NEGR1: variants seen among roughly 807,000 people sequenced by gnomAD.
The protein encoded by NEGR1 is IgLON family member 4.
Under a neutral mutation model 40.9 loss-of-function variants are expected in NEGR1, and 10 were observed. The ratio of observed to expected loss-of-function variants is 0.24; its 90% CI spans 0.15 to 0.42. The LOEUF is 0.42. Among genes scored for constraint, NEGR1 ranks in the 10% least tolerant of loss-of-function variants. The pLI, the probability that NEGR1 is intolerant of heterozygous loss-of-function variation, is 1.00. For missense variants in NEGR1, 352 were observed against 438.9 expected (o/e 0.80, Z 1.77); for synonymous variants, 185 against 166.8 (o/e 1.11, Z -0.84).
intron 4 of NEGR1, among the ~76,000 whole-genome samples, chr1:71,668,572 G>T (rs910984122): frequency 1.3e-5 from 2 of 152,086 alleles, no homozygotes; most frequent in African/African-American, 4.8e-5. Flanking sequence ...CAGTTCCACA[G>T]GTCTCAGTAG....
At chr1:71,494,921 TCTCTTC>T (rs1328746504) in intron 6 of NEGR1, among the ~76,000 whole-genome samples, 3 of 152,138 alleles carry the variant, frequency 2.0e-5, no homozygotes, top group African/African-American at 7.2e-5. Flanking sequence ...CCTTTCTCTT[TCTCTTC>T]CTCTTCAGCC....
intron 1 of NEGR1, among the ~76,000 whole-genome samples, chr1:72,172,997 TTTTTA>T (rs1335215794): frequency 1.3e-5 from 2 of 152,032 alleles, no homozygotes; most frequent in Non-Finnish European, 1.5e-5. Context: ...AGTTTTTTCA[TTTTTA>T]TTTTATTTAT....
intron 2 of NEGR1, among the ~76,000 whole-genome samples, chr1:71,809,043 G>A (rs1460626566): frequency 1.3e-5 from 2 of 152,142 alleles, no homozygotes; most frequent in African/African-American, 2.4e-5. Flanking sequence ...CTTTTAAAGA[G>A]CTTTACCTAT....
intron 5 of NEGR1, among the ~76,000 whole-genome samples, chr1:71,605,924 T>C (rs553236266): frequency 1.3e-5 from 2 of 152,154 alleles, no homozygotes; most frequent in Non-Finnish European, 2.9e-5. Context: ...ATGACTAATA[T>C]TTCCAATATA....
At chr1:72,278,462 G>C (rs1198264961) in intron 1 of NEGR1, among the ~76,000 whole-genome samples, 2 of 152,022 alleles carry the variant, frequency 1.3e-5, no homozygotes. Context: ...TTTCCAAGGG[G>C]TATTAAACAT....
intron 1 of NEGR1, among the ~76,000 whole-genome samples, chr1:72,250,485 C>A (rs984369367): frequency 6.6e-6 from 1 of 151,982 alleles, no homozygotes; most frequent in African/African-American, 2.4e-5. Flanking sequence ...TAGGAACAAA[C>A]AATGAAATAG....
rs903826617 is a variant in NEGR1, at chr1:71,397,911, A to T, written c.*9535T>A. 11 of 152,184 alleles carry T rather than the reference A, an allele frequency of 7.2e-5. No individual in the cohort carries two copies. The highest frequency in any genetic ancestry group is 2.2e-4 in the African/African-American group (9 of 41,426). 9.4% of individuals were successfully genotyped at this position (152,184 alleles called of 1,614,324 possible). ...GTCCCTCTGCTATGTGCAGTCTAGG[A>T]ACTTGGTGCTCTGCCTCCCAGTTGC... On this transcript the variant is annotated 3_prime_UTR_variant, in exon 7 of 7. Coordinates refer to ENST00000357731, the MANE Select transcript of NEGR1 (RefSeq NM_173808.3).
At chr1:71,467,813 G>C (rs1646756881) in intron 6 of NEGR1, among the ~76,000 whole-genome samples, 2 of 151,998 alleles carry the variant, frequency 1.3e-5, no homozygotes, top group South Asian at 4.1e-4. Context: ...TAAATTCTAA[G>C]TATTTGGTGG....
intron 4 of NEGR1, among the ~76,000 whole-genome samples, chr1:71,633,057 T>A (rs1461077174): frequency 6.6e-6 from 1 of 152,142 alleles, no homozygotes; most frequent in Non-Finnish European, 1.5e-5. Flanking sequence ...CTAATAGGAT[T>A]TAATTCTATA....
At chr1:71,408,424 A>G (rs969487142) in intron 6 of NEGR1, among the ~76,000 whole-genome samples, 2 of 152,066 alleles carry the variant, frequency 1.3e-5, no homozygotes, top group Non-Finnish European at 2.9e-5. Context: ...TTTATACATC[A>G]GAAATATTAC....
chr1:72,083,610 T>C (rs114273253), intron 1 of NEGR1, among the ~76,000 whole-genome samples: 2,326 of 152,290 alleles, frequency 0.015, 55 homozygotes, highest in African/African-American at 0.053. Flanking sequence ...AGAAAAATAT[T>C]GTCCCATTTT....
chr1:71,528,413 A>G (rs1647261026), intron 6 of NEGR1, among the ~76,000 whole-genome samples: 1 of 151,320 alleles, frequency 6.6e-6, no homozygotes, highest in African/African-American at 2.4e-5. Flanking sequence ...CTATGCTCCT[A>G]GTACTCAGTG....
rs1652217435 is a variant in NEGR1, at chr1:71,665,634, A to C, written c.667+32374T>G. Among the ~76,000 whole-genome samples the C allele has an allele frequency of 4.6e-5, 7 of 152,082 alleles. No homozygotes were observed. The South Asian group carries it at 1.4e-3, about 32-fold the overall frequency. On this transcript the variant is annotated intron_variant, in intron 4 of 6. Coordinates refer to ENST00000357731, the MANE Select transcript of NEGR1 (RefSeq NM_173808.3). ...AGAGAGATTTGTTTCCCTTACATTG[A>C]GCTCCATCATTCTTCACTAAACTCT...
intron 2 of NEGR1, among the ~76,000 whole-genome samples, chr1:71,877,443 C>A (rs1660465114): frequency 6.6e-6 from 1 of 152,124 alleles, no homozygotes; most frequent in Non-Finnish European, 1.5e-5. Context: ...TTGTAGATAG[C>A]CACCTTCTTC....
chr1:71,422,516 ATTC>A (rs1646404056), intron 6 of NEGR1: 1 of 152,190 alleles, frequency 6.6e-6, no homozygotes, highest in East Asian at 1.9e-4. Flanking sequence ...AGAAGCAACA[ATTC>A]TTCTGAAATC....
At chr1:72,129,625 T>C (rs147688438) in intron 1 of NEGR1, among the ~76,000 whole-genome samples, 78 of 152,192 alleles carry the variant, frequency 5.1e-4, no homozygotes, top group Non-Finnish European at 5.4e-4. Flanking sequence ...AATAAAATGT[T>C]GCAAGGAAGG....
intron 6 of NEGR1, among the ~76,000 whole-genome samples, chr1:71,522,685 T>C (rs1466635769): frequency 6.6e-6 from 1 of 150,910 alleles, no homozygotes; most frequent in Admixed American, 6.7e-5. Flanking sequence ...AATTGTAAAA[T>C]GGGTAGATAA....
intron 3 of NEGR1, among the ~76,000 whole-genome samples, chr1:71,743,464 T>A (rs1284871998): frequency 1.3e-5 from 2 of 152,118 alleles, no homozygotes; most frequent in Admixed American, 1.3e-4. Context: ...TTTTTATAAC[T>A]ATATCAGCCT....
Position 72,016,088 on chromosome 1 carries a change from C to T in NEGR1, c.177-80777G>A, listed in dbSNP as rs541646546. 2.6e-5 allele frequency among the ~76,000 whole-genome samples: 4 copies of T among 152,086 alleles called. No homozygotes were observed. The South Asian group carries it at 8.3e-4, about 32-fold the overall frequency. Reference sequence around the variant, plus strand: ...GTCTCACATTTTTGCATTTAAACACCCTTTTTAACTTAATTTTTTTTTGTT... The same window carrying T: ...GTCTCACATTTTTGCATTTAAACACTCTTTTTAACTTAATTTTTTTTTGTT... On this transcript the variant is annotated intron_variant, in intron 1 of 6. Coordinates refer to ENST00000357731, the MANE Select transcript of NEGR1 (RefSeq NM_173808.3).
Sources: gnomAD v4.1 joint callset for allele counts (sites outside exome capture counted in the v4.1 genomes callset) on GRCh38, gnomAD v4.1.1 for gene constraint, MANE v1.5 for transcripts, NCBI Gene and HGNC (gene_info 2026-07-23, HGNC 2026-07-21) for gene names.